The following MLKL variants were observed in gnomAD, a reference collection of about 807,000 sequenced individuals.
MLKL encodes mixed lineage kinase domain-like protein.
A neutral mutation model predicts 56.5 loss-of-function variants in MLKL; 55 were observed. That is an observed-to-expected ratio of 0.97 (90% confidence interval 0.78 to 1.22). The LOEUF (loss-of-function observed/expected upper bound fraction) is 1.22, where lower values mean the gene tolerates loss of function less well. Ranked by LOEUF, MLKL falls within the 50% of genes most tolerant of loss-of-function variation. The probability of loss-of-function intolerance (pLI) is 0.00; values close to 1 mark genes in which losing one functional copy is unlikely to be tolerated. For missense variants in MLKL, 694 were observed against 573.9 expected (o/e 1.21, Z -2.14); for synonymous variants, 251 against 208.3 (o/e 1.20, Z -1.76).
chr16:74,690,874 G>A (rs771565035), intron 4 of MLKL, among the ~76,000 whole-genome samples: 15 of 149,156 alleles, frequency 1.0e-4, no homozygotes, highest in Non-Finnish European at 2.1e-4. Context: ...TATGGAACAC[G>A]TTTCATGATG....
intron 4 of MLKL, among the ~76,000 whole-genome samples, chr16:74,686,645 C>T (rs942216412): frequency 5.3e-5 from 8 of 152,064 alleles, no homozygotes; most frequent in Admixed American, 3.9e-4. Flanking sequence ...CCTTCCAAAA[C>T]GTGGGCCTTA....
chr16:74,689,534 T>C (rs759857362), intron 4 of MLKL, among the ~76,000 whole-genome samples: 10 of 152,200 alleles, frequency 6.6e-5, no homozygotes, highest in African/African-American at 1.2e-4. Context: ...TTGATGTGTA[T>C]TTTGAGGAGT....
Position 74,672,181 on chromosome 16 carries a change from C to T in MLKL, c.*323G>A, listed in dbSNP as rs970420451. On this transcript the variant is annotated 3_prime_UTR_variant, in exon 11 of 11. Transcript: ENST00000308807. The stretch of plus-strand genomic sequence containing the variant: ...ATCAAATCAAGTCACAGTGCCAGCC[C>T]AGATTCAAATGGTGGGGAAAGAGAC... 3.8e-6 allele frequency: 1 copy of T among 259,742 alleles called. No homozygotes were observed. Among genetic ancestry groups the T allele is most frequent in the African/African-American group, 2.2e-5 (1 of 45,464 alleles). 16.1% of individuals were successfully genotyped at this position (259,742 alleles called of 1,614,324 possible). A position where few individuals can be genotyped will look rare whatever the true frequency, so the allele number is the denominator to read the frequency against.
intron 2 of MLKL, 89 bp from the exon 3 acceptor site, chr16:74,692,505 T>A (rs973327405): frequency 2.0e-6 from 2 of 1,020,084 alleles, no homozygotes; most frequent in Non-Finnish European, 2.9e-6. Flanking sequence ...ACTGTTGAGA[T>A]ATCATTTTTT....
At chr16:74,685,800 G>C (rs529831425) in intron 4 of MLKL, among the ~76,000 whole-genome samples, 1 of 152,286 alleles carries the variant, frequency 6.6e-6, no homozygotes, top group East Asian at 1.9e-4. Flanking sequence ...AGATATTAAT[G>C]GGACTTGCTA....
rs367585710 is a variant in MLKL at position 74,696,287 on chromosome 16, G to A, written c.-2-528C>T. On this transcript the variant is annotated intron_variant, in intron 1 of 10. Transcript: ENST00000308807. The stretch of plus-strand genomic sequence containing the variant: ...ACCGTTAATATTTTCAGGTTGATAT[G>A]TTTATATCAGTTTCGTCTATTACAG... 1.3e-5 allele frequency among the ~76,000 whole-genome samples: 2 copies of A among 152,158 alleles called. 1 individual carries two copies. Among genetic ancestry groups the A allele is most frequent in the Middle Eastern group, 6.3e-3 (2 of 316 alleles).
chr16:74,692,277 T>A (rs1431172924), intron 3 of MLKL, 65 bp downstream of exon 3: 1 of 1,405,668 alleles, frequency 7.1e-7, no homozygotes, highest in Non-Finnish European at 1.0e-6. Flanking sequence ...GAGGCTGGGG[T>A]CCCAGTAAAC....
At chr16:74,695,180 T>C in intron 2 of MLKL, 118 bp downstream of exon 2, 2 of 1,118,996 alleles carry the variant, frequency 1.8e-6, no homozygotes, top group Non-Finnish European at 2.5e-6. Flanking sequence ...CTAGGAGTTT[T>C]GAGGTACAAG....
At chr16:74,693,497 G>GAAAGAAAGAA (rs1292675677) in intron 2 of MLKL, among the ~76,000 whole-genome samples, 6 of 129,546 alleles carry the variant, frequency 4.6e-5, no homozygotes, top group African/African-American at 8.6e-5. Flanking sequence ...AAGAAAGAAA[G>GAAAGAAAGAA]AAAAGAAAAA....
chr16:74,688,837 C>T (rs1960493243), intron 4 of MLKL, among the ~76,000 whole-genome samples: 1 of 152,096 alleles, frequency 6.6e-6, no homozygotes, highest in African/African-American at 2.4e-5. Flanking sequence ...AGTAGGATAT[C>T]CATACAACAG....
chr16:74,683,211 A>C (rs1304147408), intron 5 of MLKL, among the ~76,000 whole-genome samples: 2 of 151,280 alleles, frequency 1.3e-5, no homozygotes, highest in Admixed American at 6.6e-5. Context: ...TGGGAGGCTG[A>C]GGCAGGAGAA....
At chr16:74,677,549 T>A (rs767002738) in intron 7 of MLKL, 1 of 152,022 alleles carries the variant, frequency 6.6e-6, no homozygotes, top group Non-Finnish European at 1.5e-5. Flanking sequence ...GAGGGGGAGG[T>A]CTCACTGTGT....
intron 4 of MLKL, among the ~76,000 whole-genome samples, chr16:74,690,943 A>G (rs113977859): frequency 6.6e-6 from 1 of 152,152 alleles, no homozygotes; most frequent in Non-Finnish European, 1.5e-5. Flanking sequence ...AGTTGTGAAC[A>G]TGAAAAATGT....
At chr16:74,686,926 T>A (rs960616388) in intron 4 of MLKL, among the ~76,000 whole-genome samples, 8 of 152,200 alleles carry the variant, frequency 5.3e-5, no homozygotes, top group Non-Finnish European at 1.0e-4. Context: ...GAAGTGCAAG[T>A]CTCACCCTGA....
At chr16:74,685,208 C>T (rs546789319) in intron 5 of MLKL, among the ~76,000 whole-genome samples, 1 of 152,260 alleles carries the variant, frequency 6.6e-6, no homozygotes, top group African/African-American at 2.4e-5. Flanking sequence ...CTCTTCCAGG[C>T]TGGCATCTAA....
rs1017062403 is a variant in MLKL at position 74,700,583 on chromosome 16, G to T, written c.-133C>A. 6.5e-6 allele frequency: 1 copy of T among 152,956 alleles called. No individual in the cohort carries two copies. The highest frequency in any genetic ancestry group is 2.4e-5 in the African/African-American group (1 of 41,478). 9.5% of individuals were successfully genotyped at this position (152,956 alleles called of 1,614,324 possible). A position where few individuals can be genotyped will look rare whatever the true frequency, so the allele number is the denominator to read the frequency against. ...GTTTGCAAACGCGAGGCCCGCGGGA[G>T]TTCCCCTGCGCCCCCTTTCCTGGTG... On this transcript the variant is annotated 5_prime_UTR_variant, in exon 1 of 11. Coordinates refer to ENST00000308807, the MANE Select transcript of MLKL (RefSeq NM_152649.4).
At chr16:74,673,753 A>G (rs1329596953) in intron 10 of MLKL, among the ~76,000 whole-genome samples, 1 of 151,996 alleles carries the variant, frequency 6.6e-6, no homozygotes, top group Non-Finnish European at 1.5e-5. Flanking sequence ...AAAACAAGAG[A>G]GAGGAAAAAG....
rs535912872 is a variant in MLKL at position 74,678,936 on chromosome 16, C to A, written c.1001G>T (p.Ser334Ile). Residue 334 changes from serine to isoleucine, a missense_variant, in exon 7 of 11, where the codon AGC (serine) becomes ATC (isoleucine). By Grantham distance (142) the Ser-to-Ile change is moderately radical (BLOSUM62 -2). Transcript: ENST00000308807. ...GCCTTGAGTTACCAGGAAGTTTGAG[C>A]TTCTGATTTTTCCGTGGAGTTCAGG... ...EAPELHGKIR[S>I]SNFLVTQGYQ... 646 of 1,614,158 alleles carry A rather than the reference C, an allele frequency of 4.0e-4. 10 individuals carry two copies. In the South Asian group the frequency reaches 6.8e-3, roughly 17 times the overall value.
At chr16:74,695,820 C>T (rs1961005130) in intron 1 of MLKL, 61 bp from the exon 2 acceptor site, 1 of 1,424,200 alleles carries the variant, frequency 7.0e-7, no homozygotes, top group East Asian at 2.3e-5. Context: ...CACTACTTGG[C>T]TAAGAAAGAA....
Sources: allele counts gnomAD v4.1 joint callset (sites outside exome capture counted in the v4.1 genomes callset), GRCh38; gene constraint gnomAD v4.1.1; transcripts MANE v1.5; gene names NCBI Gene and HGNC (gene_info 2026-07-23, HGNC 2026-07-21).